Variants in RUSC2 observed in about 807,000 individuals in gnomAD.
RUSC2 encodes the protein RUN and SH3 domain containing 2.
RUSC2 carries 34 observed loss-of-function variants against 122.2 expected under a neutral mutation model. The ratio of observed to expected loss-of-function variants is 0.28; its 90% confidence interval spans 0.21 to 0.37. The LOEUF (loss-of-function observed/expected upper bound fraction) is 0.37, where lower values mean the gene tolerates loss of function less well. Ranked by LOEUF, RUSC2 falls within the 10% of genes least tolerant of loss-of-function variation. The pLI, the probability that RUSC2 is intolerant of heterozygous loss-of-function variation, is 1.00. For missense variants in RUSC2, 1,747 were observed against 1,952.4 expected (o/e 0.89, Z 1.98); for synonymous variants, 784 against 790.0 (o/e 0.99, Z 0.13).
At chr9:35,506,317 ATATACT>A (rs538633241) in intron 1 of RUSC2, among the ~76,000 whole-genome samples, 277 of 152,382 alleles carry the variant, frequency 1.8e-3, no homozygotes, top group African/African-American at 6.4e-3. Context: ...TAATTTAAAA[ATATACT>A]TATAACTTTG....
intron 2 of RUSC2, among the ~76,000 whole-genome samples, chr9:35,552,974 C>CA (rs1255019815): frequency 6.6e-6 from 1 of 152,178 alleles, no homozygotes; most frequent in African/African-American, 2.4e-5. Context: ...CTAATTCAGA[C>CA]ATACTTTGTA....
chr9:35,528,933 TAAAA>T (rs1005574445), intron 1 of RUSC2, among the ~76,000 whole-genome samples: 2 of 151,476 alleles, frequency 1.3e-5, no homozygotes, highest in Non-Finnish European at 2.9e-5. Context: ...AAAAAATTTT[TAAAA>T]AAAAATTGTA....
chr9:35,531,983 G>GC (rs879260928), intron 1 of RUSC2, among the ~76,000 whole-genome samples: 1 of 152,134 alleles, frequency 6.6e-6, no homozygotes, highest in Non-Finnish European at 1.5e-5. Context: ...CAGAGATCAT[G>GC]CCACTGCACT....
chr9:35,560,733 C>A lies in RUSC2; in HGVS notation c.4093C>A (p.Pro1365Thr). ...ELRRSREREGPAASPAENEEG... is the reference protein window; with the variant it reads ...ELRRSREREGTAASPAENEEG... ...GAGGCGCAGTCGGGAGAGGGAAGGGCCCGCTGCCTCGCCAGCAGAAAATGA... is the reference window on the plus strand; with the variant it reads ...GAGGCGCAGTCGGGAGAGGGAAGGGACCGCTGCCTCGCCAGCAGAAAATGA... The change falls in exon 10 of 12, where the codon CCC becomes ACC. Residue 1365 changes from proline (P) to threonine (T), a missense_variant. Physicochemically the swap from Pro to Thr is conservative, Grantham distance 38. Coordinates refer to ENST00000361226, the MANE Select transcript of RUSC2 (RefSeq NM_014806.5). 6.5e-7 allele frequency: 1 copy of A among 1,538,038 alleles called. No homozygotes were observed. Among genetic ancestry groups the A allele is most frequent in the Non-Finnish European group, 8.7e-7 (1 of 1,143,548 alleles).
chr9:35,552,940 T>C (rs1464332839), intron 2 of RUSC2, among the ~76,000 whole-genome samples: 2 of 151,928 alleles, frequency 1.3e-5, no homozygotes, highest in African/African-American at 4.9e-5. Context: ...AGAGAGGAGT[T>C]TTAAAAGGGT....
chr9:35,497,176 C>T (rs1184902457), intron 1 of RUSC2, among the ~76,000 whole-genome samples: 1 of 152,102 alleles, frequency 6.6e-6, no homozygotes, highest in Non-Finnish European at 1.5e-5. Flanking sequence ...ATGCATCTGG[C>T]CAAGTTGTCA....
chr9:35,556,282 A>G (rs1338124796), intron 4 of RUSC2, 26 bp from the exon 5 acceptor site: 6 of 1,612,464 alleles, frequency 3.7e-6, no homozygotes, highest in Admixed American at 1.7e-5. Flanking sequence ...AGAGTTGCTC[A>G]GGATTGATTT....
rs926045390 is a variant in RUSC2 at position 35,557,587 on chromosome 9, G to A, written c.2984-327G>A. Among the ~76,000 whole-genome samples, 2 of 152,156 alleles carry A rather than the reference G, an allele frequency of 1.3e-5. No homozygotes were observed. The highest frequency in any genetic ancestry group is 4.8e-5 in the African/African-American group (2 of 41,432). On this transcript the variant is annotated intron_variant, in intron 5 of 11. Coordinates refer to ENST00000361226, the MANE Select transcript of RUSC2 (RefSeq NM_014806.5). The surrounding 1 kb of genome is among the most constrained non-coding windows in gnomAD (Gnocchi z 4.6). ...GGTGAGGGACTTGGGTTTTCTTCAG[G>A]TCAGTGGCCCGGTTTCTCAGAGTGG...
In RUSC2 at chr9:35,547,476, G is replaced by T; in HGVS notation, c.955G>T (p.Ala319Ser). The change falls in exon 2 of 12, where the codon GCC becomes TCC. Residue 319 changes from alanine (A) to serine (S), a missense_variant. By Grantham distance (99) the Ala-to-Ser change is moderately conservative (BLOSUM62 1). Coordinates refer to ENST00000361226, the MANE Select transcript of RUSC2 (RefSeq NM_014806.5). The surrounding 1 kb of genome is among the most constrained non-coding windows in gnomAD (Gnocchi z 4.6). ...SSFCSHSDPG[A>S]FYLDLQPSPF... ...CTTCTGCAGCCACTCAGACCCTGGCGCCTTCTATCTGGATCTGCAGCCCTC... is the reference window on the plus strand; with the variant it reads ...CTTCTGCAGCCACTCAGACCCTGGCTCCTTCTATCTGGATCTGCAGCCCTC... The T allele has an allele frequency of 6.2e-7, 1 of 1,614,178 alleles. No individual in the cohort carries two copies. Among genetic ancestry groups the T allele is most frequent in the Non-Finnish European group, 8.5e-7 (1 of 1,180,044 alleles).
chr9:35,556,295 CTCT>C lies in RUSC2; in HGVS notation c.2843-8_2843-6del, dbSNP rs764057685. Reference sequence around the variant, plus strand: ...TGAGAGTTGCTCAGGATTGATTTTTCTCTTCTTTCCAGGCCAAGCAGTGAAGCC... The same window carrying C: ...TGAGAGTTGCTCAGGATTGATTTTTCTCTTTCCAGGCCAAGCAGTGAAGCC... On this transcript the variant is annotated splice_polypyrimidine_tract_variant and intron_variant, in intron 4 of 11. Transcript: ENST00000361226. 1.2e-6 allele frequency: 2 copies of C among 1,613,282 alleles called. No individual in the cohort carries two copies. The highest frequency in any genetic ancestry group is 1.7e-6 in the Non-Finnish European group (2 of 1,179,676).
At chr9:35,526,678 C>G (rs1253672532) in intron 1 of RUSC2, among the ~76,000 whole-genome samples, 2 of 152,156 alleles carry the variant, frequency 1.3e-5, no homozygotes, top group African/African-American at 2.4e-5. Flanking sequence ...CTTTAGGAAG[C>G]TAAGGCAGGA....
chr9:35,560,430 C>A lies in RUSC2; in HGVS notation c.3790C>A (p.Arg1264=). 1 of 1,614,156 alleles carries A rather than the reference C, an allele frequency of 6.2e-7. No homozygotes were observed. Among genetic ancestry groups the A allele is most frequent in the East Asian group, 2.2e-5 (1 of 44,880 alleles). ...AGGSGRARWA[R]GGQAGWWYQL... Reference sequence around the variant, plus strand: ...GGGCTCAGGGCGTGCCAGGTGGGCCCGAGGTGGGCAGGCCGGCTGGTGGTA... The same window carrying A: ...GGGCTCAGGGCGTGCCAGGTGGGCCAGAGGTGGGCAGGCCGGCTGGTGGTA... The change falls in exon 10 of 12, where the codon CGA becomes AGA. Residue 1264 remains arginine, a synonymous_variant. Transcript: ENST00000361226.
At chr9:35,515,526 A>G (rs1821086120) in intron 1 of RUSC2, among the ~76,000 whole-genome samples, 2 of 152,164 alleles carry the variant, frequency 1.3e-5, no homozygotes, top group Admixed American at 1.3e-4. Context: ...TATTAGCTGT[A>G]TATTATAGTA....
intron 2 of RUSC2, among the ~76,000 whole-genome samples, chr9:35,552,158 C>T (rs1473714262): frequency 2.0e-5 from 3 of 151,824 alleles, no homozygotes; most frequent in Non-Finnish European, 4.4e-5. Context: ...GCCAGGAGTT[C>T]GAGACCAGCC....
At position 35,561,264 on chromosome 9, in the gene RUSC2, G is replaced by A. The variant is rs1291736439; in HGVS notation, c.4433G>A (p.Gly1478Glu). The A allele has an allele frequency of 6.2e-7, 1 of 1,614,094 alleles. No individual in the cohort carries two copies. Among genetic ancestry groups the A allele is most frequent in the African/African-American group, 1.3e-5 (1 of 74,942 alleles). The change falls in exon 12 of 12, where the codon GGG (glycine) becomes GAG (glutamate). Residue 1478 changes from glycine (G) to glutamate (E), a missense_variant. Gly to Glu is a moderately conservative substitution (Grantham distance 98). Transcript: ENST00000361226. ...FHKGDILRVL[G>E]RAGGDWLRCS... is the part of the protein sequence containing the mutation. ...AAAGGAGACATCCTACGAGTGCTGGGGCGAGCTGGAGGAGACTGGCTGCGC... is the reference window on the plus strand; with the variant it reads ...AAAGGAGACATCCTACGAGTGCTGGAGCGAGCTGGAGGAGACTGGCTGCGC...
chr9:35,522,111 A>G (rs1380516133), intron 1 of RUSC2, among the ~76,000 whole-genome samples: 2 of 152,256 alleles, frequency 1.3e-5, no homozygotes, highest in Admixed American at 6.5e-5. Context: ...GGAAACTCAG[A>G]GCCTCCATCT....
chr9:35,528,654 G>GT (rs1262932605), intron 1 of RUSC2, among the ~76,000 whole-genome samples: 3 of 152,092 alleles, frequency 2.0e-5, no homozygotes, highest in Non-Finnish European at 4.4e-5. Context: ...CCATAGGCAT[G>GT]TGCCACCACA....
intron 1 of RUSC2, among the ~76,000 whole-genome samples, chr9:35,526,107 T>C (rs1821320363): frequency 6.6e-6 from 1 of 152,152 alleles, no homozygotes; most frequent in Admixed American, 6.5e-5. Context: ...AGATCTATAG[T>C]AGGGGGCATA....
intron 1 of RUSC2, among the ~76,000 whole-genome samples, chr9:35,520,688 A>G (rs1167452025): frequency 6.6e-6 from 1 of 152,206 alleles, no homozygotes; most frequent in Non-Finnish European, 1.5e-5. Flanking sequence ...CTGAGCAGTC[A>G]AAGAGCAGCA....
Sources: allele counts gnomAD v4.1 joint callset (sites outside exome capture counted in the v4.1 genomes callset), GRCh38; gene constraint gnomAD v4.1.1; non-coding constraint Gnocchi (gnomAD v3.1); transcripts MANE v1.5; gene names NCBI Gene and HGNC (gene_info 2026-07-23, HGNC 2026-07-21).